Variants in BMP6 observed in about 807,000 individuals in gnomAD.
BMP6 encodes VG-1-R.
A neutral mutation model predicts 54.1 loss-of-function variants in BMP6; 17 were observed. The observed-to-expected ratio is 0.31, with a 90% CI of 0.22 to 0.47. The LOEUF (loss-of-function observed/expected upper bound fraction) is 0.47. Among genes scored for constraint, BMP6 ranks in the 20% least tolerant of loss-of-function variants. The probability of loss-of-function intolerance (pLI) is 1.00; values close to 1 mark genes in which losing one functional copy is unlikely to be tolerated. For missense variants in BMP6, 720 were observed against 690.4 expected (o/e 1.04, Z -0.48); for synonymous variants, 328 against 291.2 (o/e 1.13, Z -1.28).
chr6:7,760,688 AAACTT>A (rs1757599539), intron 1 of BMP6, among the ~76,000 whole-genome samples: 1 of 152,096 alleles, frequency 6.6e-6, no homozygotes, highest in Non-Finnish European at 1.5e-5. Context: ...GGCTGGTCTC[AAACTT>A]CTGACCTCAG....
At chr6:7,782,022 G>GC (rs1757955948) in intron 1 of BMP6, among the ~76,000 whole-genome samples, 1 of 151,386 alleles carries the variant, frequency 6.6e-6, no homozygotes. Context: ...CATTTAGGAA[G>GC]TTTTTAGTAG....
chr6:7,868,991 C>T (rs1759476358), intron 4 of BMP6, among the ~76,000 whole-genome samples: 1 of 152,240 alleles, frequency 6.6e-6, no homozygotes, highest in Admixed American at 6.5e-5. Context: ...GTTTCGCTGT[C>T]CTCCTCTACT....
At chr6:7,807,212 A>C (rs1434023490) in intron 1 of BMP6, among the ~76,000 whole-genome samples, 1 of 152,168 alleles carries the variant, frequency 6.6e-6, no homozygotes, top group Non-Finnish European at 1.5e-5. Flanking sequence ...TCGATATACA[A>C]AGGGCAGCAG....
intron 1 of BMP6, among the ~76,000 whole-genome samples, chr6:7,835,532 T>C (rs945576081): frequency 1.3e-5 from 2 of 152,242 alleles, no homozygotes; most frequent in Non-Finnish European, 2.9e-5. Context: ...TAAGCTGGCC[T>C]ATCTGTGTTT....
intron 1 of BMP6, among the ~76,000 whole-genome samples, chr6:7,805,829 AATCTT>A (rs1477149330): frequency 6.6e-6 from 1 of 152,206 alleles, no homozygotes; most frequent in Non-Finnish European, 1.5e-5. Context: ...AGACCATTAA[AATCTT>A]AAATATGCCA....
chr6:7,801,796 T>C (rs138670708), intron 1 of BMP6, among the ~76,000 whole-genome samples: 2 of 152,300 alleles, frequency 1.3e-5, no homozygotes, highest in African/African-American at 4.8e-5. Flanking sequence ...GTGCTGCTCA[T>C]GATTTAGTGG....
chr6:7,862,553 C>A, intron 4 of BMP6, 55 bp downstream of exon 4: 3 of 1,599,762 alleles, frequency 1.9e-6, no homozygotes, highest in Non-Finnish European at 2.6e-6. Context: ...TCAGTGAGAA[C>A]AAAAGTTGTG....
At chr6:7,760,991 C>T (rs966994679) in intron 1 of BMP6, among the ~76,000 whole-genome samples, 17 of 152,210 alleles carry the variant, frequency 1.1e-4, no homozygotes, top group African/African-American at 4.1e-4. Context: ...GGATTAACAA[C>T]TCCAGCAGAT....
chr6:7,821,827 C>CT (rs1031704020), intron 1 of BMP6, among the ~76,000 whole-genome samples: 6 of 152,176 alleles, frequency 3.9e-5, no homozygotes, highest in African/African-American at 1.4e-4. Flanking sequence ...TCTCCACTGT[C>CT]TAAGACTATT....
At chr6:7,748,493 A>T (rs542060984) in intron 1 of BMP6, among the ~76,000 whole-genome samples, 1 of 152,358 alleles carries the variant, frequency 6.6e-6, no homozygotes, top group Non-Finnish European at 1.5e-5. Context: ...TCTAGAAAGC[A>T]CTTATATATG....
chr6:7,777,149 C>T (rs1757873756), intron 1 of BMP6, among the ~76,000 whole-genome samples: 1 of 152,166 alleles, frequency 6.6e-6, no homozygotes, highest in Admixed American at 6.5e-5. Context: ...TATCTTCCAC[C>T]TGAGAAGGTC....
chr6:7,786,117 C>T (rs981176706), intron 1 of BMP6, among the ~76,000 whole-genome samples: 2 of 152,202 alleles, frequency 1.3e-5, no homozygotes, highest in Admixed American at 6.5e-5. Flanking sequence ...TCTCTAAGCT[C>T]CATCTGCAAT....
At chr6:7,754,961 G>GC (rs1757490336) in intron 1 of BMP6, among the ~76,000 whole-genome samples, 1 of 151,944 alleles carries the variant, frequency 6.6e-6, no homozygotes, top group Non-Finnish European at 1.5e-5. Flanking sequence ...CTCGTGATCT[G>GC]CCTGCCTTGG....
chr6:7,767,993 G>A (rs1757717946), intron 1 of BMP6, among the ~76,000 whole-genome samples: 1 of 152,146 alleles, frequency 6.6e-6, no homozygotes, highest in South Asian at 2.1e-4. Context: ...CCTGGGCTCA[G>A]TGGGTCTCAG....
At chr6:7,829,815 G>T (rs267179) in intron 1 of BMP6, among the ~76,000 whole-genome samples, 1 of 152,054 alleles carries the variant, frequency 6.6e-6, no homozygotes, top group Non-Finnish European at 1.5e-5. Flanking sequence ...ATGTTACTAC[G>T]CCACAAGCAG....
At chr6:7,742,015 CTG>C (rs1475168731) in intron 1 of BMP6, among the ~76,000 whole-genome samples, 1 of 152,200 alleles carries the variant, frequency 6.6e-6, no homozygotes, top group Non-Finnish European at 1.5e-5. Context: ...AAAAATAAAA[CTG>C]GTGTATGCCG....
intron 1 of BMP6, among the ~76,000 whole-genome samples, chr6:7,745,879 A>C (rs1333850682): frequency 1.3e-5 from 2 of 151,936 alleles, no homozygotes; most frequent in Non-Finnish European, 2.9e-5. Flanking sequence ...GAGACAGGAG[A>C]ATCACTTGAA....
chr6:7,833,906 C>T (rs1342678847), intron 1 of BMP6, among the ~76,000 whole-genome samples: 1 of 152,188 alleles, frequency 6.6e-6, no homozygotes, highest in Non-Finnish European at 1.5e-5. Context: ...TAAAAAACGA[C>T]AAGATCCAGG....
At chr6:7,809,516 G>A (rs945232128) in intron 1 of BMP6, among the ~76,000 whole-genome samples, 2 of 152,160 alleles carry the variant, frequency 1.3e-5, no homozygotes, top group African/African-American at 4.8e-5. Flanking sequence ...GTGTGGCTAT[G>A]TAGAGGCGGA....
Sources: gnomAD v4.1 joint callset for allele counts (sites outside exome capture counted in the v4.1 genomes callset) on GRCh38, gnomAD v4.1.1 for gene constraint, MANE v1.5 for transcripts, NCBI Gene and HGNC (gene_info 2026-07-23, HGNC 2026-07-21) for gene names.